The following ADAMTSL1 variants were observed in gnomAD, a reference collection of about 807,000 sequenced individuals.
The protein encoded by ADAMTSL1 is ADAMTS-like protein 1.
ADAMTSL1 carries 126 observed loss-of-function variants against 201.8 expected under a neutral mutation model. The ratio of observed to expected loss-of-function variants is 0.62; its 90% confidence interval spans 0.54 to 0.72. The LOEUF is 0.72. Ranked by LOEUF, ADAMTSL1 falls within the 30% of genes least tolerant of loss-of-function variation. ADAMTSL1 has a pLI of 0.00. For synonymous variants in ADAMTSL1, 1,121 were observed against 903.4 expected (o/e 1.24, Z -4.32); for missense variants, 2,679 against 2,277.8 (o/e 1.18, Z -3.59).
chr9:18,319,765 T>G (rs529578337), intron 2 of ADAMTSL1, among the ~76,000 whole-genome samples: 1 of 152,206 alleles, frequency 6.6e-6, no homozygotes, highest in South Asian at 2.1e-4. Context: ...CAGAATAATG[T>G]TCACCTGCCC....
chr9:18,173,953 G>T (rs1029933010), intron 2 of ADAMTSL1, among the ~76,000 whole-genome samples: 1 of 152,066 alleles, frequency 6.6e-6, no homozygotes, highest in Non-Finnish European at 1.5e-5. Flanking sequence ...TCCTGAGTTA[G>T]TCACCACTTA....
Position 17,910,210 on chromosome 9 carries a change from A to T in ADAMTSL1, c.87+3288A>T, listed in dbSNP as rs571785358. Among the ~76,000 whole-genome samples the T allele has an allele frequency of 1.8e-4, 12 of 68,496 alleles. 4 individuals are homozygous for T. Among genetic ancestry groups the T allele is most frequent in the African/African-American group, 2.9e-4 (10 of 34,048 alleles). 44.9% of individuals were successfully genotyped at this position (68,496 alleles called of 152,430 possible). A position where few individuals can be genotyped will look rare whatever the true frequency, so the allele number is the denominator to read the frequency against. On this transcript the variant is annotated intron_variant, in intron 1 of 29. Coordinates refer to the ADAMTSL1 transcript ENST00000680146. ...CCTACCAGCTTTAACAACACCAGGC[A>T]GGTTGACATCTGAACCAAATTAAGA...
In ADAMTSL1 at chr9:18,043,685, T is replaced by C. The variant is rs183299235; in HGVS notation, c.88-120177T>C. On this transcript the variant is annotated intron_variant, in intron 1 of 29. Coordinates refer to the ADAMTSL1 transcript ENST00000680146. ...TTGGCTTTTATAATCACATGAAAAA[T>C]TGTAGTGAAAACACATTTATAATTT... 9.2e-5 allele frequency among the ~76,000 whole-genome samples: 14 copies of C among 152,158 alleles called. No homozygotes were observed. In the East Asian group the frequency reaches 1.9e-3, roughly 21 times the overall value.
intron 2 of ADAMTSL1, among the ~76,000 whole-genome samples, chr9:18,315,135 C>A (rs533899629): frequency 1.3e-5 from 2 of 152,208 alleles, no homozygotes; most frequent in East Asian, 3.9e-4. Context: ...GCTGATTGGT[C>A]CTTTTTGACA....
intron 2 of ADAMTSL1, among the ~76,000 whole-genome samples, chr9:18,507,505 G>C (rs139398590): frequency 4.7e-4 from 71 of 152,224 alleles, no homozygotes; most frequent in African/African-American, 1.7e-3. Flanking sequence ...TAAAATATTA[G>C]TTGGTGCAAA....
chr9:18,658,157 G>A (rs1828835747), intron 8 of ADAMTSL1, among the ~76,000 whole-genome samples: 1 of 152,152 alleles, frequency 6.6e-6, no homozygotes, highest in Non-Finnish European at 1.5e-5. Flanking sequence ...TGTATTTTTA[G>A]TACGGACGGG....
chr9:18,827,116 C>T (rs1362542384), intron 22 of ADAMTSL1, among the ~76,000 whole-genome samples: 1 of 151,488 alleles, frequency 6.6e-6, no homozygotes, highest in Non-Finnish European at 1.5e-5. Context: ...CTAGGGACAC[C>T]CTGCTGTTCT....
chr9:18,622,127 G>A (rs1332070107), intron 4 of ADAMTSL1, 116 bp from the exon 5 acceptor site: 5 of 1,331,616 alleles, frequency 3.8e-6, no homozygotes, highest in Admixed American at 2.2e-5. Flanking sequence ...CCTTCACGGG[G>A]TATGTTTTAG....
chr9:18,084,952 A>C (rs1403940465), intron 1 of ADAMTSL1, among the ~76,000 whole-genome samples: 1 of 152,188 alleles, frequency 6.6e-6, no homozygotes, highest in Non-Finnish European at 1.5e-5. Context: ...GCAGTTTTAA[A>C]TAGGGAAGTT....
chr9:18,877,614 A>G (rs1272890555), intron 23 of ADAMTSL1, among the ~76,000 whole-genome samples: 1 of 152,190 alleles, frequency 6.6e-6, no homozygotes, highest in African/African-American at 2.4e-5. Context: ...GAATACCAGT[A>G]CCTGCTCTGG....
chr9:18,637,952 T>A (rs1290657046), intron 6 of ADAMTSL1, among the ~76,000 whole-genome samples: 2 of 152,154 alleles, frequency 1.3e-5, no homozygotes, highest in African/African-American at 4.8e-5. Context: ...TTAATTGATG[T>A]CCTAGAAATA....
intron 1 of ADAMTSL1, among the ~76,000 whole-genome samples, chr9:18,064,481 T>C (rs753658602): frequency 5.3e-5 from 8 of 152,218 alleles, no homozygotes; most frequent in Non-Finnish European, 8.8e-5. Context: ...TATAGGAACA[T>C]AAAGTGAAAG....
intron 2 of ADAMTSL1, among the ~76,000 whole-genome samples, chr9:18,399,408 C>T (rs1008290681): frequency 1.3e-5 from 2 of 148,848 alleles, no homozygotes; most frequent in African/African-American, 2.5e-5. Flanking sequence ...AGCATGATCT[C>T]GGCTCACTGC....
At chr9:18,806,541 T>C (rs910387825) in intron 20 of ADAMTSL1, among the ~76,000 whole-genome samples, 3 of 152,238 alleles carry the variant, frequency 2.0e-5, no homozygotes, top group African/African-American at 7.2e-5. Context: ...TACAATGCTC[T>C]CTACTCTTGG....
intron 1 of ADAMTSL1, among the ~76,000 whole-genome samples, chr9:18,089,818 C>G (rs966190112): frequency 1.3e-5 from 2 of 152,098 alleles, no homozygotes; most frequent in African/African-American, 4.8e-5. Context: ...GTGATAAGCT[C>G]TAAAGATCTG....
chr9:17,970,107 A>G (rs556873524), intron 1 of ADAMTSL1, among the ~76,000 whole-genome samples: 1 of 152,042 alleles, frequency 6.6e-6, no homozygotes. Context: ...TAACACTGAT[A>G]TTTTCCTCTT....
chr9:18,747,331 T>A (rs1251746572), intron 15 of ADAMTSL1, among the ~76,000 whole-genome samples: 1 of 152,146 alleles, frequency 6.6e-6, no homozygotes, highest in Admixed American at 6.5e-5. Flanking sequence ...TGTTCCCACA[T>A]CTTAGGTAAG....
At position 18,777,622 on chromosome 9, in the gene ADAMTSL1, T is replaced by C. The variant is rs747543625; in HGVS notation, c.3393T>C (p.Thr1131=). 13 of 1,613,506 alleles carry C rather than the reference T, an allele frequency of 8.1e-6. No individual in the cohort carries two copies. The highest frequency in any genetic ancestry group is 1.1e-5 in the Non-Finnish European group (13 of 1,179,822). ...KPSERRTSPV[T]LSPHKHVSGF... ...CGGAGCGCAGGACTTCCCCAGTGAC[T>C]CTCTCGCCTCATAAACACGTGTCTG... Residue 1131 remains threonine (T), a synonymous_variant, in exon 19 of 29, where the codon ACT becomes ACC. Coordinates refer to ENST00000380548, the MANE Select transcript of ADAMTSL1 (RefSeq NM_001040272.6).
chr9:18,434,352 C>G (rs1245317916), intron 2 of ADAMTSL1, among the ~76,000 whole-genome samples: 1 of 152,088 alleles, frequency 6.6e-6, no homozygotes, highest in African/African-American at 2.4e-5. Context: ...TCTCACCTCC[C>G]AACCACAAAA....
Sources: gnomAD v4.1 joint callset for allele counts (sites outside exome capture counted in the v4.1 genomes callset) on GRCh38, gnomAD v4.1.1 for gene constraint, MANE v1.5 for transcripts, NCBI Gene and HGNC (gene_info 2026-07-23, HGNC 2026-07-21) for gene names.